Variants in SETD2 observed in about 807,000 individuals in gnomAD.
The protein encoded by SETD2 is SET domain containing 2, histone lysine methyltransferase.
A neutral mutation model predicts 242.1 loss-of-function variants in SETD2; 31 were observed. The ratio of observed to expected loss-of-function variants is 0.13; its 90% CI spans 0.10 to 0.17. The LOEUF (loss-of-function observed/expected upper bound fraction) is 0.17. Ranked by LOEUF, SETD2 falls within the 10% of genes least tolerant of loss-of-function variation. The pLI, the probability that SETD2 is intolerant of heterozygous loss-of-function variation, is 1.00. For missense variants in SETD2, 2,481 were observed against 3,046.3 expected (o/e 0.81, Z 4.37); for synonymous variants, 1,006 against 1,066.5 (o/e 0.94, Z 1.11).
At chr3:47,050,153 C>G (rs2039760783) in intron 15 of SETD2, among the ~76,000 whole-genome samples, 1 of 151,294 alleles carries the variant, frequency 6.6e-6, no homozygotes, top group South Asian at 2.1e-4. Context: ...TTGAATGTTT[C>G]TAGCATAAAG....
chr3:47,056,745 C>T, intron 15 of SETD2, 76 bp downstream of exon 15: 1 of 1,169,544 alleles, frequency 8.6e-7, no homozygotes, highest in Non-Finnish European at 1.2e-6. Flanking sequence ...GTAAGACTTC[C>T]TCCCCTATAC....
At chr3:47,049,184 T>C (rs140868790) in intron 15 of SETD2, among the ~76,000 whole-genome samples, 1 of 151,558 alleles carries the variant, frequency 6.6e-6, no homozygotes, top group East Asian at 1.9e-4. Flanking sequence ...GTTTGAGTGA[T>C]TCTCCTGCCT....
chr3:47,126,562 G>T, intron 2 of SETD2, 86 bp downstream of exon 2: 1 of 663,198 alleles, frequency 1.5e-6, no homozygotes, highest in Non-Finnish European at 2.6e-6. Context: ...GCTACATTTT[G>T]AGTGTTTTCA....
In SETD2 at chr3:47,120,699, G is replaced by A. The variant is rs2107744914; in HGVS notation, c.3937C>T (p.Pro1313Ser). 2 of 1,614,164 alleles carry A rather than the reference G, an allele frequency of 1.2e-6. No homozygotes were observed. The highest frequency in any genetic ancestry group is 2.2e-5 in the South Asian group (2 of 91,084). ...TCATACACAACCCCAGTTCCAGGAG[G>A]TCTACCTGATCTTGGATCCCAGTAA... is the stretch of plus-strand genomic sequence containing the variant. ...NGYWDPRSGRPPGTGVVYDRT... is the reference protein window; with the variant it reads ...NGYWDPRSGRSPGTGVVYDRT... Residue 1313 changes from proline (P) to serine (S), a missense_variant, in exon 3 of 21, where the codon CCT becomes TCT. Physicochemically the swap from Pro to Ser is moderately conservative, Grantham distance 74 (BLOSUM62 -1). Transcript: ENST00000409792.
chr3:47,043,788 C>A (rs2107542606), intron 16 of SETD2, among the ~76,000 whole-genome samples: 1 of 152,200 alleles, frequency 6.6e-6, no homozygotes, highest in South Asian at 2.1e-4. Flanking sequence ...AGTTTCAATT[C>A]CTCCATTACC....
rs79446892 is a variant in SETD2 at position 47,040,359 on chromosome 3, G to A, written c.7238+2202C>T. On this transcript the variant is annotated intron_variant, in intron 17 of 20. Coordinates refer to ENST00000409792, the MANE Select transcript of SETD2 (RefSeq NM_014159.7). ...ATATGAAAATTTTAAGCTTCTTTAT[G>A]TCACAAGATATCAGAAACAAAACTC... Among the ~76,000 whole-genome samples the A allele has an allele frequency of 1.9e-3, 290 of 152,206 alleles. 2 individuals carry two copies. Among genetic ancestry groups the A allele is most frequent in the African/African-American group, 6.7e-3 (278 of 41,542 alleles).
At chr3:47,137,302 C>T (rs1458772365) in intron 1 of SETD2, among the ~76,000 whole-genome samples, 4 of 152,032 alleles carry the variant, frequency 2.6e-5, no homozygotes, top group African/African-American at 9.7e-5. Flanking sequence ...AAGCGATTCT[C>T]CTGCCTCAGC....
intron 17 of SETD2, among the ~76,000 whole-genome samples, chr3:47,038,163 C>G (rs749373158): frequency 6.6e-6 from 1 of 152,224 alleles, no homozygotes; most frequent in African/African-American, 2.4e-5. Flanking sequence ...TAAACAGTGA[C>G]TGTACCTAGC....
In SETD2 at chr3:47,117,282, AAAC is replaced by A. The variant is rs1163689843; in HGVS notation, c.4455-531_4455-529del. On this transcript the variant is annotated intron_variant, in intron 3 of 20. Transcript: ENST00000409792. Reference sequence around the variant, plus strand: ...TTACCAAAAAAAAAAAAAAAAAAACAAACAAAAAAAAAAACATGAGAAGGGCAA... The same window carrying A: ...TTACCAAAAAAAAAAAAAAAAAAACAAAAAAAAAAAACATGAGAAGGGCAA... 2.1e-3 allele frequency among the ~76,000 whole-genome samples: 132 copies of A among 62,170 alleles called. 2 individuals are homozygous for A. The highest frequency in any genetic ancestry group is 8.8e-3 in the African/African-American group (117 of 13,352). The allele number at this position is 62,170 out of a possible 152,430, so 40.8% of individuals were successfully genotyped here. A position where few individuals can be genotyped will look rare whatever the true frequency, so the allele number is the denominator to read the frequency against.
rs755848188 is a variant in SETD2, at chr3:47,116,609, T to G, written c.4586+14A>C. On this transcript the variant is annotated intron_variant, in intron 4 of 20. Coordinates refer to ENST00000409792, the MANE Select transcript of SETD2 (RefSeq NM_014159.7). ...GAAGTGTTGAGCAAAAGCCGAGTAT[T>G]CTAATTTACTTACCATTCAATCATG... The G allele has an allele frequency of 6.2e-7, 1 of 1,601,614 alleles. No individual in the cohort carries two copies. The highest frequency in any genetic ancestry group is 1.1e-5 in the South Asian group (1 of 88,210).
chr3:47,118,138 G>T (rs919660064), intron 3 of SETD2, among the ~76,000 whole-genome samples: 2 of 152,148 alleles, frequency 1.3e-5, no homozygotes, highest in African/African-American at 4.8e-5. Flanking sequence ...GATTCCTCTT[G>T]ATTAAAGACA....
chr3:47,046,741 T>G, intron 15 of SETD2, 120 bp from the exon 16 acceptor site: 2 of 862,788 alleles, frequency 2.3e-6, no homozygotes, highest in Non-Finnish European at 3.1e-6. Flanking sequence ...TTTTTGTTTA[T>G]ATATTTGGAC....
At position 47,086,120 on chromosome 3, in the gene SETD2, A is replaced by G. The variant is rs940809840; in HGVS notation, c.5397+75T>C. ...TACAGTGCTAAATTCATAATTACTG[A>G]TATTATCACATATCCACAACCGAGG... On this transcript the variant is annotated intron_variant, in intron 11 of 20. Coordinates refer to ENST00000409792, the MANE Select transcript of SETD2 (RefSeq NM_014159.7). 18 of 1,508,966 alleles carry G rather than the reference A, an allele frequency of 1.2e-5. No homozygotes were observed. In the Admixed American group the frequency reaches 2.6e-4, roughly 21 times the overall value. The allele number at this position is 1,508,966 out of a possible 1,614,324, so 93.5% of individuals were successfully genotyped here.
rs1253854496 is a variant in SETD2, at chr3:47,017,006, CAG to C, written c.*85_*86del. On this transcript the variant is annotated 3_prime_UTR_variant, in exon 21 of 21. Transcript: ENST00000409792. The surrounding 1 kb of genome is among the most constrained non-coding windows in gnomAD (Gnocchi z 4.8). Reference sequence around the variant, plus strand: ...TGTATCATCAGTAGCACAGTGCTGACAGGGGTGGGACAGAAAGGCCCACAGGA... The same window carrying C: ...TGTATCATCAGTAGCACAGTGCTGACGGGTGGGACAGAAAGGCCCACAGGA... The C allele has an allele frequency of 2.2e-5, 29 of 1,311,122 alleles. No individual in the cohort carries two copies. Among genetic ancestry groups the C allele is most frequent in the Non-Finnish European group, 3.2e-5 (29 of 918,420 alleles). The allele number at this position is 1,311,122 out of a possible 1,614,324, so 81.2% of individuals were successfully genotyped here. A position where few individuals can be genotyped will look rare whatever the true frequency, so the allele number is the denominator to read the frequency against.
rs2106700968 is a variant in SETD2 at position 47,123,322 on chromosome 3, G to T, written c.1314C>A (p.Ser438=). ...AATAGCGCGTCCTCTCTCGATAAGG[G>T]GAGCTCCTATGGTAGCGACGATCAG... is the stretch of plus-strand genomic sequence containing the variant. ...YDSDRRYHRS[S]PYRERTRYSR... is the part of the protein sequence containing the mutation. Residue 438 remains serine (S), a synonymous_variant, in exon 3 of 21, where the codon TCC becomes TCA. Transcript: ENST00000409792. The T allele has an allele frequency of 6.4e-7, 1 of 1,551,636 alleles. No homozygotes were observed. Among genetic ancestry groups the T allele is most frequent in the Non-Finnish European group, 8.7e-7 (1 of 1,146,986 alleles).
At chr3:47,059,733 T>C (rs577564674) in intron 14 of SETD2, among the ~76,000 whole-genome samples, 1 of 152,146 alleles carries the variant, frequency 6.6e-6, no homozygotes, top group South Asian at 2.1e-4. Flanking sequence ...TTTTTTAAGG[T>C]GATGGAAGTG....
rs1178826509 is a variant in SETD2, at chr3:47,019,696, C to G, written c.7431+64G>C. 6 of 1,375,396 alleles carry G rather than the reference C, an allele frequency of 4.4e-6. No homozygotes were observed. The Admixed American group carries it at 5.1e-5, about 12-fold the overall frequency. 85.2% of individuals were successfully genotyped at this position (1,375,396 alleles called of 1,614,324 possible). A position where few individuals can be genotyped will look rare whatever the true frequency, so the allele number is the denominator to read the frequency against. ...AAGGAGATATTCGACATACTTAGGACAAGAAATGAAAGGGTTCAGATTTAA... is the reference window on the plus strand; with the variant it reads ...AAGGAGATATTCGACATACTTAGGAGAAGAAATGAAAGGGTTCAGATTTAA... On this transcript the variant is annotated intron_variant, in intron 19 of 20. Transcript: ENST00000409792.
chr3:47,112,591 GTTTT>G (rs1480001840), intron 5 of SETD2, among the ~76,000 whole-genome samples: 1 of 149,414 alleles, frequency 6.7e-6, no homozygotes, highest in Non-Finnish European at 1.5e-5. Flanking sequence ...GTAATTTTGG[GTTTT>G]TTGTTTGTTT....
intron 1 of SETD2, among the ~76,000 whole-genome samples, chr3:47,129,119 G>A (rs1210633822): frequency 1.3e-5 from 2 of 152,044 alleles, no homozygotes; most frequent in African/African-American, 4.8e-5. Context: ...CATAATGAAG[G>A]TCCATTTTAG....
Sources: gnomAD v4.1 joint callset for allele counts (sites outside exome capture counted in the v4.1 genomes callset) on GRCh38, gnomAD v4.1.1 for gene constraint, Gnocchi (gnomAD v3.1) non-coding constraint, MANE v1.5 for transcripts, NCBI Gene and HGNC (gene_info 2026-07-23, HGNC 2026-07-21) for gene names.